Variants in RELN observed in about 807,000 individuals in gnomAD.
RELN encodes reelin.
Under a neutral mutation model 427.6 loss-of-function variants are expected in RELN, and 108 were observed. The ratio of observed to expected loss-of-function variants is 0.25; its 90% confidence interval spans 0.22 to 0.30. RELN has a LOEUF of 0.30. Ranked by LOEUF, RELN falls within the 10% of genes least tolerant of loss-of-function variation. The probability of loss-of-function intolerance (pLI) is 1.00; values close to 1 mark genes in which losing one functional copy is unlikely to be tolerated. For synonymous variants in RELN, 1,524 were observed against 1,513.4 expected, an observed-to-expected ratio of 1.01 and a Z score of -0.16; for missense variants, 3,715 against 4,302.8, an observed-to-expected ratio of 0.86 and a Z score of 3.82.
At chr7:103,790,234 G>T (rs1792126217) in intron 3 of RELN, among the ~76,000 whole-genome samples, 1 of 152,038 alleles carries the variant, frequency 6.6e-6, no homozygotes, top group South Asian at 2.1e-4. Context: ...ACCTAATGTA[G>T]ATGATGGGTT....
rs75478036 is a variant in RELN at position 103,620,067 on chromosome 7, C to T, written c.2703-8264G>A. On this transcript the variant is annotated intron_variant, in intron 20 of 64. Coordinates refer to ENST00000428762, the MANE Select transcript of RELN (RefSeq NM_005045.4). The surrounding 1 kb of genome is among the most constrained non-coding windows in gnomAD (Gnocchi z 4.1). ...TGCATTGTGGTGCCCATAATTCCTA[C>T]GTGTTGTGGGAGGGATCCAGTGGGA... Among the ~76,000 whole-genome samples the T allele has an allele frequency of 7.4e-4, 113 of 152,228 alleles. No homozygotes were observed. In the East Asian group the frequency reaches 0.014, roughly 19 times the overall value.
At chr7:103,845,145 AATT>A (rs1196234006) in intron 2 of RELN, among the ~76,000 whole-genome samples, 23 of 150,666 alleles carry the variant, frequency 1.5e-4, no homozygotes, top group African/African-American at 4.6e-4. Context: ...ATCAAAAAAA[AATT>A]TTTTTTTTTT....
At chr7:103,739,882 T>A (rs755425229) in intron 6 of RELN, among the ~76,000 whole-genome samples, 2 of 152,128 alleles carry the variant, frequency 1.3e-5, no homozygotes, top group Non-Finnish European at 2.9e-5. Context: ...AAGATGCCCA[T>A]GGCCCAGGAC....
At chr7:103,696,804 G>A (rs1428090177) in intron 10 of RELN, among the ~76,000 whole-genome samples, 1 of 152,054 alleles carries the variant, frequency 6.6e-6, no homozygotes, top group Non-Finnish European at 1.5e-5. Flanking sequence ...TCCTCAAAGG[G>A]ATATTTCAAA....
intron 1 of RELN, among the ~76,000 whole-genome samples, chr7:103,931,954 C>T (rs766775510): frequency 6.6e-6 from 1 of 152,186 alleles, no homozygotes; most frequent in Non-Finnish European, 1.5e-5. Context: ...TAAATTAGTT[C>T]AACCATTGTA....
At position 103,561,962 on chromosome 7, in the gene RELN, A is replaced by C. The variant is rs761437325; in HGVS notation, c.5211-9T>G. 3.3e-6 allele frequency: 3 copies of C among 921,840 alleles called. No individual in the cohort carries two copies. The highest frequency in any genetic ancestry group is 4.6e-6 in the Non-Finnish European group (3 of 651,636). The allele number at this position is 921,840 out of a possible 1,614,324, so 57.1% of individuals were successfully genotyped here. A position where few individuals can be genotyped will look rare whatever the true frequency, so the allele number is the denominator to read the frequency against. On this transcript the variant is annotated splice_polypyrimidine_tract_variant and intron_variant, in intron 34 of 64. Coordinates refer to ENST00000428762, the MANE Select transcript of RELN (RefSeq NM_005045.4). The stretch of plus-strand genomic sequence containing the variant: ...ACCGGGTCCTGGGAGAACTAACCAA[A>C]AAAAAAAAAAAAAAAACACACCACT...
intron 10 of RELN, 142 bp downstream of exon 10, chr7:103,697,711 T>G (rs1834006734): frequency 1.2e-5 from 13 of 1,093,038 alleles, no homozygotes; most frequent in Admixed American, 2.4e-5. Context: ...AAAGGTAGGG[T>G]AATATAAATA....
chr7:103,749,371 C>G lies in RELN; in HGVS notation c.656+55G>C, dbSNP rs185441572. On this transcript the variant is annotated intron_variant, in intron 6 of 64. Transcript: ENST00000428762. ...AGTAACTGCTCCTTAAAGGAGCAGT[C>G]AGCATCATTTGTTACATTAAGCAAA... The G allele has an allele frequency of 8.4e-6, 11 of 1,311,408 alleles. No individual in the cohort carries two copies. In the Admixed American group the frequency reaches 1.7e-4, roughly 20 times the overall value. 81.2% of individuals were successfully genotyped at this position (1,311,408 alleles called of 1,614,324 possible).
chr7:103,927,587 C>T (rs1371374027), intron 1 of RELN, among the ~76,000 whole-genome samples: 1 of 152,092 alleles, frequency 6.6e-6, no homozygotes, highest in South Asian at 2.1e-4. Context: ...AATAAATGCA[C>T]AACTAATTTG....
At chr7:103,746,837 A>C (rs921095226) in intron 6 of RELN, among the ~76,000 whole-genome samples, 5 of 151,796 alleles carry the variant, frequency 3.3e-5, no homozygotes, top group South Asian at 4.2e-4. Flanking sequence ...TAGTTCAACC[A>C]TTGTGGAAGT....
In RELN at chr7:103,760,683, T is replaced by C. The variant is rs1791277528; in HGVS notation, c.545-7469A>G. 2.6e-5 allele frequency among the ~76,000 whole-genome samples: 4 copies of C among 152,092 alleles called. No homozygotes were observed. The South Asian group carries it at 8.3e-4, about 32-fold the overall frequency. On this transcript the variant is annotated intron_variant, in intron 4 of 64. Transcript: ENST00000428762. ...AGAATTATATGTAGGTGGCAAGCAA[T>C]TCTTACAAATACAGGTATTATGTTA...
In RELN at chr7:103,590,492, G is replaced by A. The variant is rs189343647; in HGVS notation, c.3913-664C>T. Among the ~76,000 whole-genome samples the A allele has an allele frequency of 5.7e-3, 862 of 152,022 alleles. 4 individuals carry two copies. Among genetic ancestry groups the A allele is most frequent in the African/African-American group, 0.01 (435 of 41,460 alleles). On this transcript the variant is annotated intron_variant, in intron 27 of 64. Transcript: ENST00000428762. ...AGAGAATTGCTTGAACCTGGGAGGC[G>A]GAGGTTGCAGTGAGCTGAGATCACG...
Position 103,626,004 on chromosome 7 carries a change from G to C in RELN, c.2702+3936C>G, listed in dbSNP as rs143929106. ...GGAGTAAGGGTTAGGGATGGCACTA[G>C]CTCATGAATGGGATGAAAGACAAAG... On this transcript the variant is annotated intron_variant, in intron 20 of 64. Transcript: ENST00000428762. The surrounding 1 kb of genome is among the most constrained non-coding windows in gnomAD (Gnocchi z 4.4). Among the ~76,000 whole-genome samples, 368 of 152,110 alleles carry C rather than the reference G, an allele frequency of 2.4e-3. No homozygotes were observed. Among genetic ancestry groups the C allele is most frequent in the African/African-American group, 8.5e-3 (355 of 41,528 alleles).
intron 50 of RELN, 58 bp from the exon 51 acceptor site, chr7:103,511,063 A>G: frequency 7.7e-7 from 1 of 1,294,644 alleles, no homozygotes; most frequent in Non-Finnish European, 1.1e-6. Flanking sequence ...CTTGAAGCAA[A>G]TTTTCACTTT....
At chr7:103,906,461 A>G (rs1460026916) in intron 2 of RELN, among the ~76,000 whole-genome samples, 1 of 152,142 alleles carries the variant, frequency 6.6e-6, no homozygotes. Context: ...AGAATCCCCA[A>G]ATATCTAAGC....
chr7:103,497,975 A>T (rs2117024812), intron 54 of RELN, 49 bp from the exon 55 acceptor site: 1 of 1,601,754 alleles, frequency 6.2e-7, no homozygotes, highest in East Asian at 2.2e-5. Context: ...TAGAACAAAT[A>T]CTCTACTCAA....
At chr7:103,561,769 T>A in intron 35 of RELN, 44 bp downstream of exon 35, 4 of 1,613,874 alleles carry the variant, frequency 2.5e-6, no homozygotes, top group Non-Finnish European at 3.4e-6. Flanking sequence ...GCCATATTTA[T>A]TTTTGCGTTA....
intron 5 of RELN, among the ~76,000 whole-genome samples, chr7:103,750,324 C>T (rs1236179796): frequency 2.0e-5 from 3 of 152,160 alleles, no homozygotes; most frequent in Non-Finnish European, 4.4e-5. Flanking sequence ...TTGCTCGGCA[C>T]TTCTTGCTGC....
chr7:103,615,223 C>T (rs962264810), intron 20 of RELN, among the ~76,000 whole-genome samples: 1 of 152,126 alleles, frequency 6.6e-6, no homozygotes, highest in Non-Finnish European at 1.5e-5. Context: ...GGGGATAACT[C>T]CACTTAGGAC....
Sources: allele counts gnomAD v4.1 joint callset (sites outside exome capture counted in the v4.1 genomes callset), GRCh38; gene constraint gnomAD v4.1.1; non-coding constraint Gnocchi (gnomAD v3.1); transcripts MANE v1.5; gene names NCBI Gene and HGNC (gene_info 2026-07-23, HGNC 2026-07-21).